Variants in FAN1 observed in about 807,000 individuals in gnomAD.
FAN1 encodes fanconi-associated nuclease 1.
In FAN1, 91 loss-of-function variants were observed where a neutral mutation model predicts 104.9. The ratio of observed to expected loss-of-function variants is 0.87; its 90% CI spans 0.73 to 1.03. FAN1 has a LOEUF of 1.03. Ranked by LOEUF, FAN1 falls within the 50% of genes least tolerant of loss-of-function variation. The pLI is 0.00. For missense variants in FAN1, 1,263 were observed against 1,239.9 expected (o/e 1.02, Z -0.28); for synonymous variants, 478 against 457.6 (o/e 1.04, Z -0.57).
intron 7 of FAN1, among the ~76,000 whole-genome samples, chr15:30,921,107 C>T (rs1311713835): frequency 6.6e-6 from 1 of 152,110 alleles, no homozygotes; most frequent in African/African-American, 2.4e-5. Flanking sequence ...GCCTGGCCAA[C>T]GAGGGCATAG....
At chr15:30,904,375 G>A (rs780481220) in intron 1 of FAN1, 137 bp from the exon 2 acceptor site, 6 of 520,728 alleles carry the variant, frequency 1.2e-5, no homozygotes, top group Non-Finnish European at 2.0e-5. Context: ...GCTTGTCGGA[G>A]GGGCTTGGTC....
At chr15:30,908,626 A>G (rs2062033785) in intron 3 of FAN1, among the ~76,000 whole-genome samples, 1 of 152,160 alleles carries the variant, frequency 6.6e-6, no homozygotes, top group African/African-American at 2.4e-5. Flanking sequence ...CAGGTGGATC[A>G]CCTGAGGTTG....
chr15:30,927,082 CAGG>C, intron 10 of FAN1: 1 of 955,350 alleles, frequency 1.0e-6, no homozygotes, highest in Non-Finnish European at 1.2e-6. Flanking sequence ...GAGGCTGAGA[CAGG>C]AGGATCACTT....
intron 5 of FAN1, among the ~76,000 whole-genome samples, chr15:30,915,060 C>A (rs750699076): frequency 3.9e-5 from 6 of 152,158 alleles, no homozygotes; most frequent in Non-Finnish European, 8.8e-5. Context: ...ACCTAAGTGT[C>A]CATCAGTGGA....
At position 30,942,281 on chromosome 15, in the gene FAN1, A is replaced by C. The variant is rs1388486570; in HGVS notation, c.*719A>C. ...TGTTGACTCTACCTAGGCTGTTACT[A>C]TCAGCCTGAATGGGGGCGGGATGAG... On this transcript the variant is annotated 3_prime_UTR_variant, in exon 15 of 15. Transcript: ENST00000362065. 1 of 634,640 alleles carries C rather than the reference A, an allele frequency of 1.6e-6. No homozygotes were observed. Among genetic ancestry groups the C allele is most frequent in the Non-Finnish European group, 2.7e-6 (1 of 374,800 alleles). The allele number at this position is 634,640 out of a possible 1,614,324, so 39.3% of individuals were successfully genotyped here.
intron 12 of FAN1, among the ~76,000 whole-genome samples, chr15:30,929,654 TA>T (rs1369904941): frequency 6.9e-5 from 8 of 115,892 alleles, no homozygotes; most frequent in African/African-American, 3.1e-4. Flanking sequence ...ATATATAATA[TA>T]ATATATGAAA....
Position 30,905,510 on chromosome 15 carries a change from C to T in FAN1, c.847C>T (p.Leu283Phe). Reference sequence around the variant, plus strand: ...ATTAAAGTCTACTTCAGAAGACAGTCTTGTAAAGCAAGAGTGTATCAAAGA... The same window carrying T: ...ATTAAAGTCTACTTCAGAAGACAGTTTTGTAAAGCAAGAGTGTATCAAAGA... ...NTLKSTSEDS[L>F]VKQECIKEVV... Residue 283 changes from leucine (L) to phenylalanine (F), a missense_variant, in exon 2 of 15, where the codon CTT becomes TTT. Around this residue, in one of 2 missense-constraint regions of FAN1, gnomAD observed 682 missense variants for 571.1 expected, o/e 1.19. Transcript: ENST00000362065. 1.2e-6 allele frequency: 2 copies of T among 1,614,040 alleles called. No individual in the cohort carries two copies. Among genetic ancestry groups the T allele is most frequent in the Non-Finnish European group, 8.5e-7 (1 of 1,179,958 alleles).
At chr15:30,936,511 A>T (rs2062857209) in intron 13 of FAN1, among the ~76,000 whole-genome samples, 1 of 152,208 alleles carries the variant, frequency 6.6e-6, no homozygotes, top group African/African-American at 2.4e-5. Flanking sequence ...CTATACTAAG[A>T]ATCAGTTTAC....
At chr15:30,913,182 A>G (rs776657085) in intron 4 of FAN1, among the ~76,000 whole-genome samples, 13 of 152,210 alleles carry the variant, frequency 8.5e-5, no homozygotes, top group African/African-American at 2.9e-4. Context: ...CAGCAGTGGC[A>G]TTAGATTCTC....
chr15:30,905,244 A>G lies in FAN1; in HGVS notation c.581A>G (p.Asp194Gly), dbSNP rs2061948473. 6.2e-7 allele frequency: 1 copy of G among 1,614,086 alleles called. No individual in the cohort carries two copies. The highest frequency in any genetic ancestry group is 8.5e-7 in the Non-Finnish European group (1 of 1,180,010). The change falls in exon 2 of 15, where the codon GAT becomes GGT. Residue 194 changes from aspartate to glycine, a missense_variant. This residue lies in a region of FAN1 where 682 missense variants were observed against 571.1 expected (regional missense o/e 1.19). Transcript: ENST00000362065. ...TCCACAGTTGTTAAGAGCCTGATTG[A>G]TAACTCTTCAGAAATTGAGGACGAG... ...SKSTVVKSLI[D>G]NSSEIEDEDQ... is the part of the protein sequence containing the mutation.
At chr15:30,941,214 G>C (rs2063037168) in intron 14 of FAN1, 7 of 1,386,734 alleles carry the variant, frequency 5.0e-6, no homozygotes, top group African/African-American at 4.3e-5. Context: ...AAATGTAGCA[G>C]ACAACATGAA....
At chr15:30,906,402 G>A (rs1316300675) in intron 2 of FAN1, 2 of 456,780 alleles carry the variant, frequency 4.4e-6, no homozygotes, top group African/African-American at 4.0e-5. Flanking sequence ...AAGACAGGGT[G>A]TGGAGGAAAT....
intron 11 of FAN1, chr15:30,928,860 T>G (rs1167190799): frequency 1.1e-6 from 1 of 872,280 alleles, no homozygotes; most frequent in Non-Finnish European, 1.4e-6. Context: ...AAACTTTAAT[T>G]TAGCCTCCAC....
intron 14 of FAN1, chr15:30,940,415 A>C (rs76472542): frequency 0.042 from 41,568 of 985,230 alleles, 1,050 homozygotes; most frequent in Admixed American, 0.12. Context: ...CCATTTTTTT[A>C]TTTCTCCTCT....
intron 12 of FAN1, among the ~76,000 whole-genome samples, chr15:30,929,963 AAT>A (rs2062657905): frequency 8.0e-6 from 1 of 125,000 alleles, no homozygotes; most frequent in South Asian, 2.2e-4. Flanking sequence ...TATATCATAT[AAT>A]ATATAAAATA....
intron 8 of FAN1, among the ~76,000 whole-genome samples, chr15:30,924,710 A>G (rs1213533121): frequency 6.6e-6 from 1 of 152,104 alleles, no homozygotes; most frequent in Non-Finnish European, 1.5e-5. Flanking sequence ...TGTGGCCCCC[A>G]TGCGTGGGCT....
At chr15:30,926,716 C>T (rs954425311) in intron 10 of FAN1, 8 of 985,250 alleles carry the variant, frequency 8.1e-6, no homozygotes, top group Middle Eastern at 5.2e-4. Flanking sequence ...TTCAAGGCCC[C>T]GAGAGACGTG....
chr15:30,904,570 T>C lies in FAN1; in HGVS notation c.-94T>C, dbSNP rs768557388. On this transcript the variant is annotated 5_prime_UTR_variant, in exon 2 of 15. Transcript: ENST00000362065. ...TCATATAGAATCCCACTTTTGGTGA[T>C]TTCAAGTCAAGAAAGTAAAAGTAAA... is the stretch of plus-strand genomic sequence containing the variant. 3.1e-6 allele frequency: 4 copies of C among 1,280,794 alleles called. No homozygotes were observed. Among genetic ancestry groups the C allele is most frequent in the South Asian group, 1.2e-5 (1 of 83,980 alleles). The allele number at this position is 1,280,794 out of a possible 1,614,324, so 79.3% of individuals were successfully genotyped here.
Position 30,905,034 on chromosome 15 carries a change from A to T in FAN1, c.371A>T (p.Lys124Met). The change falls in exon 2 of 15, where the codon AAG becomes ATG. Residue 124 changes from lysine to methionine, a missense_variant. Lys to Met is a moderately conservative substitution (Grantham distance 95, BLOSUM62 -1). Transcript: ENST00000362065. ...SDSAKREVKQ[K>M]ISPYFKSNDV... is the part of the protein sequence containing the mutation. ...TCAGCAAAAAGGGAAGTAAAGCAGA[A>T]GATCAGTCCCTACTTTAAAAGTAAT... The T allele has an allele frequency of 6.2e-7, 1 of 1,614,078 alleles. No homozygotes were observed.
Sources: gnomAD v4.1 joint callset for allele counts (sites outside exome capture counted in the v4.1 genomes callset) on GRCh38, gnomAD v4.1.1 for gene constraint, gnomAD v4.1.1 regional missense constraint, MANE v1.5 for transcripts, NCBI Gene and HGNC (gene_info 2026-07-23, HGNC 2026-07-21) for gene names.